PLCE1: variants seen among roughly 807,000 people sequenced by gnomAD.
PLCE1 encodes phospholipase C epsilon 1, also known as 1-phosphatidylinositol 4,5-bisphosphate phosphodiesterase epsilon-1.
Under a neutral mutation model 242.8 loss-of-function variants are expected in PLCE1, and 119 were observed. The observed-to-expected ratio is 0.49, with a 90% CI of 0.42 to 0.57. The LOEUF is 0.57. PLCE1 is among the 20% of genes least tolerant of loss of function. The pLI is 0.00. For missense variants in PLCE1, 2,441 were observed against 2,788.8 expected (o/e 0.88, Z 2.81); for synonymous variants, 945 against 1,017.4 (o/e 0.93, Z 1.35).
chr10:94,093,963 A>T (rs2045193468), intron 2 of PLCE1, among the ~76,000 whole-genome samples: 2 of 58,232 alleles, frequency 3.4e-5, no homozygotes, highest in African/African-American at 1.2e-4. Flanking sequence ...TTTTTTTGAG[A>T]CGGAGTCTCG....
At chr10:94,227,280 C>G in intron 4 of PLCE1, 26 bp from the exon 5 acceptor site, 2 of 1,612,272 alleles carry the variant, frequency 1.2e-6, no homozygotes, top group Non-Finnish European at 1.7e-6. Flanking sequence ...ACATAATTCC[C>G]GTGAATGTCT....
At chr10:94,321,774 G>GTA (rs1224262653) in intron 29 of PLCE1, 127 bp from the exon 30 acceptor site, 18 of 689,336 alleles carry the variant, frequency 2.6e-5, no homozygotes, top group Non-Finnish European at 4.3e-5. Flanking sequence ...TAATAACATA[G>GTA]TATATGAGAT....
At position 94,331,166 on chromosome 10, in the gene PLCE1, C is replaced by T. The variant is rs1295082903; in HGVS notation, c.*3223C>T. ...TGGGAGTCAATATGAAGTCTAGACT[C>T]AACAAAAGTTGAGTTACAAGTGACT... On this transcript the variant is annotated 3_prime_UTR_variant, in exon 33 of 33. Transcript: ENST00000371380. 1 of 152,170 alleles carries T rather than the reference C, an allele frequency of 6.6e-6. No homozygotes were observed. 9.4% of individuals were successfully genotyped at this position (152,170 alleles called of 1,614,324 possible).
At chr10:94,176,440 CT>C (rs925102955) in intron 4 of PLCE1, among the ~76,000 whole-genome samples, 3 of 152,128 alleles carry the variant, frequency 2.0e-5, no homozygotes, top group Admixed American at 6.5e-5. Context: ...CTCTCGTCTT[CT>C]CTTTTTTTCC....
At chr10:94,232,257 T>C (rs1277447613) in intron 5 of PLCE1, among the ~76,000 whole-genome samples, 1 of 152,236 alleles carries the variant, frequency 6.6e-6, no homozygotes, top group Non-Finnish European at 1.5e-5. Context: ...GGATGTCTTA[T>C]ATATTACACA....
At chr10:94,255,130 A>T in intron 11 of PLCE1, 81 bp downstream of exon 11, 1 of 1,470,922 alleles carries the variant, frequency 6.8e-7, no homozygotes, top group Non-Finnish European at 9.5e-7. Context: ...ACAGTTGTCT[A>T]TGGAAAGACT....
rs776445677 is a variant in PLCE1, at chr10:94,316,792, C to T, written c.6342+36C>T. On this transcript the variant is annotated intron_variant, in intron 29 of 32. Coordinates refer to ENST00000371380, the MANE Select transcript of PLCE1 (RefSeq NM_016341.4). The stretch of plus-strand genomic sequence containing the variant: ...CTGGGTGCAGCCTACACAGTAACGA[C>T]TCATTATGTGATTAGCCATTTACCA... 4.1e-6 allele frequency: 6 copies of T among 1,469,970 alleles called. No homozygotes were observed. In the Admixed American group the frequency reaches 5.0e-5, roughly 12 times the overall value. 91.1% of individuals were successfully genotyped at this position (1,469,970 alleles called of 1,614,324 possible).
intron 5 of PLCE1, 68 bp downstream of exon 5, chr10:94,227,519 A>T (rs769986351): frequency 2.2e-5 from 31 of 1,422,602 alleles, no homozygotes; most frequent in Non-Finnish European, 2.7e-5. Flanking sequence ...GCACTGAATT[A>T]ATTGTCCAGG....
Position 94,071,495 on chromosome 10 carries a change from G to GTTTTTTTTTTTTTTTTT in PLCE1, c.1206+39248_1206+39264dup, listed in dbSNP as rs559496577. Among the ~76,000 whole-genome samples the GTTTTTTTTTTTTTTTTT allele has an allele frequency of 8.4e-4, 70 of 83,306 alleles. 11 individuals are homozygous for GTTTTTTTTTTTTTTTTT. The highest frequency in any genetic ancestry group is 2.7e-3 in the African/African-American group (50 of 18,668). 54.7% of individuals were successfully genotyped at this position (83,306 alleles called of 152,430 possible). On this transcript the variant is annotated intron_variant, in intron 2 of 32. Transcript: ENST00000371380. ...GTCTGTGTGTGTGTGTTTGGTTTTC[G>GTTTTTTTTTTTTTTTTT]TTTTTTTTTTTTTTTTTTTTTGAGT...
At chr10:94,119,693 T>G (rs973155724) in intron 2 of PLCE1, among the ~76,000 whole-genome samples, 5 of 152,192 alleles carry the variant, frequency 3.3e-5, no homozygotes, top group Non-Finnish European at 7.3e-5. Context: ...AAACACTGTA[T>G]GCCCACACCA....
chr10:94,089,019 A>T (rs887290049), intron 2 of PLCE1: 6 of 1,501,442 alleles, frequency 4.0e-6, no homozygotes, highest in Non-Finnish European at 2.7e-6. Context: ...TAATGTAAAC[A>T]CTCATCACCC....
intron 1 of PLCE1, among the ~76,000 whole-genome samples, chr10:94,002,652 C>T (rs2060953387): frequency 1.3e-5 from 2 of 151,812 alleles, no homozygotes; most frequent in Non-Finnish European, 2.9e-5. Context: ...TGCTGTTATC[C>T]AATACTTACA....
chr10:94,289,798 C>A (rs2052585254), intron 22 of PLCE1, among the ~76,000 whole-genome samples: 1 of 152,088 alleles, frequency 6.6e-6, no homozygotes, highest in Non-Finnish European at 1.5e-5. Flanking sequence ...AATGTGAAGA[C>A]CTGGGACATT....
At chr10:94,279,978 C>A in intron 20 of PLCE1, 67 bp downstream of exon 20, 4 of 1,542,946 alleles carry the variant, frequency 2.6e-6, no homozygotes, top group Non-Finnish European at 3.6e-6. Flanking sequence ...ATTTTTCTTT[C>A]TAAAATAAGT....
chr10:94,163,844 T>C (rs942442485), intron 3 of PLCE1, among the ~76,000 whole-genome samples: 1 of 152,204 alleles, frequency 6.6e-6, no homozygotes, highest in Non-Finnish European at 1.5e-5. Flanking sequence ...TCTTTTAGGG[T>C]AGGCCTGGTG....
chr10:94,317,899 A>T (rs1017319931), intron 29 of PLCE1, among the ~76,000 whole-genome samples: 1 of 152,232 alleles, frequency 6.6e-6, no homozygotes, highest in Non-Finnish European at 1.5e-5. Context: ...AATATGTACC[A>T]AGCCCTGTTC....
intron 4 of PLCE1, among the ~76,000 whole-genome samples, chr10:94,216,820 C>A (rs918333566): frequency 2.0e-5 from 3 of 151,892 alleles, no homozygotes; most frequent in African/African-American, 7.3e-5. Flanking sequence ...AAAGGGAATG[C>A]GACTCGGCTG....
chr10:94,009,249 G>A (rs984931110), intron 1 of PLCE1, among the ~76,000 whole-genome samples: 1 of 152,010 alleles, frequency 6.6e-6, no homozygotes, highest in African/African-American at 2.4e-5. Context: ...GACAGAGAAG[G>A]GGGAGGTCTC....
chr10:94,292,864 C>A (rs938785685), intron 22 of PLCE1, among the ~76,000 whole-genome samples: 20 of 152,222 alleles, frequency 1.3e-4, no homozygotes, highest in African/African-American at 4.8e-4. Context: ...GGTTTGCATT[C>A]ATTTCCTCTT....
Sources: allele counts gnomAD v4.1 joint callset (sites outside exome capture counted in the v4.1 genomes callset), GRCh38; gene constraint gnomAD v4.1.1; transcripts MANE v1.5; gene names NCBI Gene and HGNC (gene_info 2026-07-23, HGNC 2026-07-21).